Variants in YAP1 observed in about 807,000 individuals in gnomAD.
YAP1 encodes transcriptional coactivator YAP1.
YAP1 carries 5 observed loss-of-function variants against 56.9 expected under a neutral mutation model. The observed-to-expected ratio is 0.09, with a 90% CI of 0.05 to 0.18. The LOEUF (loss-of-function observed/expected upper bound fraction) is 0.18. Among genes scored for constraint, YAP1 ranks in the 10% least tolerant of loss-of-function variants. The pLI is 1.00. For synonymous variants in YAP1, 265 were observed against 248.1 expected, an observed-to-expected ratio of 1.07 and a Z score of -0.64; for missense variants, 539 against 651.8, an observed-to-expected ratio of 0.83 and a Z score of 1.88.
At chr11:102,130,982 C>G (rs113964960) in intron 2 of YAP1, among the ~76,000 whole-genome samples, 245 of 152,116 alleles carry the variant, frequency 1.6e-3, no homozygotes, top group African/African-American at 5.5e-3. Context: ...TGTCATTGTC[C>G]TCTGTGTTTG....
intron 7 of YAP1, among the ~76,000 whole-genome samples, chr11:102,225,803 G>A (rs1950165760): frequency 6.6e-6 from 1 of 152,178 alleles, no homozygotes; most frequent in South Asian, 2.1e-4. Context: ...CCTTGAAGTT[G>A]TGAGCCTCTC....
intron 2 of YAP1, among the ~76,000 whole-genome samples, chr11:102,119,416 A>G (rs1307201454): frequency 6.6e-6 from 1 of 152,160 alleles, no homozygotes; most frequent in Non-Finnish European, 1.5e-5. Context: ...CATTCAAAGA[A>G]CAGACTGTCA....
At chr11:102,122,404 A>G (rs971363879) in intron 2 of YAP1, among the ~76,000 whole-genome samples, 1 of 148,704 alleles carries the variant, frequency 6.7e-6, no homozygotes, top group Non-Finnish European at 1.5e-5. Flanking sequence ...CAGCCTGGGC[A>G]ACAGAGCCAG....
intron 3 of YAP1, among the ~76,000 whole-genome samples, chr11:102,165,478 G>A (rs1946548948): frequency 6.6e-6 from 1 of 152,104 alleles, no homozygotes; most frequent in African/African-American, 2.4e-5. Flanking sequence ...GTAAAGAGGT[G>A]ACTTTGACAC....
chr11:102,181,401 G>C (rs574016881), intron 3 of YAP1, among the ~76,000 whole-genome samples: 4 of 152,110 alleles, frequency 2.6e-5, no homozygotes, highest in South Asian at 2.1e-4. Context: ...AGCCGAGATT[G>C]CGCCACTGCA....
intron 2 of YAP1, among the ~76,000 whole-genome samples, chr11:102,153,721 A>C (rs1482573235): frequency 1.3e-5 from 2 of 152,206 alleles, no homozygotes; most frequent in African/African-American, 2.4e-5. Context: ...CTTCCAATTT[A>C]GTAAACAGCC....
intron 3 of YAP1, among the ~76,000 whole-genome samples, chr11:102,172,299 A>ATT (rs1946950262): frequency 1.4e-5 from 2 of 144,318 alleles, no homozygotes; most frequent in African/African-American, 2.7e-5. Flanking sequence ...AACAGTGAAG[A>ATT]ATTTTTTTTT....
At chr11:102,189,567 A>C (rs938506720) in intron 4 of YAP1, among the ~76,000 whole-genome samples, 1 of 152,210 alleles carries the variant, frequency 6.6e-6, no homozygotes, top group Non-Finnish European at 1.5e-5. Context: ...GCAAGTAATG[A>C]ACAGTCCAGA....
chr11:102,179,632 T>A (rs1947466347), intron 3 of YAP1, among the ~76,000 whole-genome samples: 1 of 152,168 alleles, frequency 6.6e-6, no homozygotes, highest in African/African-American at 2.4e-5. Context: ...CTGCCCTTGA[T>A]CTGCTTTTCT....
intron 3 of YAP1, among the ~76,000 whole-genome samples, chr11:102,184,401 AT>A (rs1363009176): frequency 6.6e-6 from 1 of 152,200 alleles, no homozygotes; most frequent in African/African-American, 2.4e-5. Flanking sequence ...TTTGCTTCTC[AT>A]TCAGCCTCTG....
intron 2 of YAP1, among the ~76,000 whole-genome samples, chr11:102,160,277 C>T (rs926932862): frequency 1.3e-5 from 2 of 152,132 alleles, no homozygotes; most frequent in Non-Finnish European, 2.9e-5. Context: ...CCCGCCTTGG[C>T]CTCCCAAAGA....
intron 2 of YAP1, among the ~76,000 whole-genome samples, chr11:102,130,803 A>G (rs996220106): frequency 5.6e-5 from 8 of 143,944 alleles, no homozygotes; most frequent in Admixed American, 3.0e-4. Context: ...TTTTTCCTCT[A>G]CACATGTTCA....
chr11:102,230,022 G>A lies in YAP1; in HGVS notation c.*82G>A, dbSNP rs556459420. The A allele has an allele frequency of 8.4e-7, 1 of 1,192,634 alleles. No homozygotes were observed. The highest frequency in any genetic ancestry group is 1.3e-5 in the South Asian group (1 of 74,240). The allele number at this position is 1,192,634 out of a possible 1,614,324, so 73.9% of individuals were successfully genotyped here. A position where few individuals can be genotyped will look rare whatever the true frequency, so the allele number is the denominator to read the frequency against. Reference sequence around the variant, plus strand: ...CGGAAATTTCCATAAGCCAGTTGCAGTTTTCAGGCTAATACAGAAAAAGAT... The same window carrying A: ...CGGAAATTTCCATAAGCCAGTTGCAATTTTCAGGCTAATACAGAAAAAGAT... On this transcript the variant is annotated 3_prime_UTR_variant, in exon 9 of 9. Transcript: ENST00000282441.
chr11:102,146,173 C>T (rs1273627258), intron 2 of YAP1, among the ~76,000 whole-genome samples: 2 of 152,128 alleles, frequency 1.3e-5, no homozygotes, highest in East Asian at 3.9e-4. Flanking sequence ...CCTCATCTCT[C>T]CCTCCCTCTT....
intron 2 of YAP1, among the ~76,000 whole-genome samples, chr11:102,115,662 A>T (rs906475344): frequency 1.3e-5 from 2 of 152,032 alleles, no homozygotes; most frequent in Non-Finnish European, 2.9e-5. Flanking sequence ...TCAGGTTTCA[A>T]CCAGAACAGT....
At chr11:102,151,584 A>G (rs1945659909) in intron 2 of YAP1, among the ~76,000 whole-genome samples, 1 of 152,174 alleles carries the variant, frequency 6.6e-6, no homozygotes, top group Non-Finnish European at 1.5e-5. Flanking sequence ...TTCAAGTTGT[A>G]TCTTTATGGA....
intron 1 of YAP1, among the ~76,000 whole-genome samples, chr11:102,111,861 C>T (rs779547103): frequency 2.3e-4 from 35 of 149,472 alleles, no homozygotes; most frequent in Non-Finnish European, 1.9e-4. Flanking sequence ...CATTTATTTT[C>T]CTCGCGGCTC....
intron 6 of YAP1, among the ~76,000 whole-genome samples, chr11:102,209,883 C>A (rs1307105817): frequency 6.6e-6 from 1 of 152,144 alleles, no homozygotes; most frequent in African/African-American, 2.4e-5. Context: ...ATTTGAATAG[C>A]TTAAAATAGT....
chr11:102,223,830 G>C (rs1462408312), intron 7 of YAP1, 78 bp downstream of exon 7: 5 of 1,566,156 alleles, frequency 3.2e-6, no homozygotes, highest in Non-Finnish European at 4.3e-6. Context: ...CTTGTAATAG[G>C]CTATTTGGAA....
Sources: gnomAD v4.1 joint callset for allele counts (sites outside exome capture counted in the v4.1 genomes callset) on GRCh38, gnomAD v4.1.1 for gene constraint, MANE v1.5 for transcripts, NCBI Gene and HGNC (gene_info 2026-07-23, HGNC 2026-07-21) for gene names.